Variants in RAD18 observed in about 807,000 individuals in gnomAD.
The protein encoded by RAD18 is E3 ubiquitin-protein ligase RAD18.
RAD18 carries 47 observed loss-of-function variants against 60.4 expected under a neutral mutation model. The ratio of observed to expected loss-of-function variants is 0.78; its 90% confidence interval spans 0.62 to 0.99. The LOEUF (loss-of-function observed/expected upper bound fraction) is 0.99. Ranked by LOEUF, RAD18 falls within the 50% of genes least tolerant of loss-of-function variation. The pLI is 0.00. For synonymous variants in RAD18, 225 were observed against 195.5 expected (o/e 1.15, Z -1.26); for missense variants, 640 against 593.3 (o/e 1.08, Z -0.82).
Position 8,880,518 on chromosome 3 carries a change from T to C in RAD18, c.*839A>G, listed in dbSNP as rs1939439195. The C allele has an allele frequency of 6.6e-6, 1 of 152,202 alleles. No homozygotes were observed. The highest frequency in any genetic ancestry group is 1.5e-5 in the Non-Finnish European group (1 of 68,042). The allele number at this position is 152,202 out of a possible 1,614,324, so 9.4% of individuals were successfully genotyped here. A position where few individuals can be genotyped will look rare whatever the true frequency, so the allele number is the denominator to read the frequency against. ...ATCCATTTCAATGATTTCTAACCCA[T>C]ACTCAACTATCCAGAGGATACTGTT... On this transcript the variant is annotated 3_prime_UTR_variant, in exon 13 of 13. Coordinates refer to ENST00000264926, the MANE Select transcript of RAD18 (RefSeq NM_020165.4).
At chr3:8,931,213 TA>T (rs1355474790) in intron 7 of RAD18, among the ~76,000 whole-genome samples, 1 of 152,140 alleles carries the variant, frequency 6.6e-6, no homozygotes, top group Non-Finnish European at 1.5e-5. Context: ...AATGACTCTT[TA>T]AAATAGTAAT....
chr3:8,932,451 TC>T (rs1430585118), intron 7 of RAD18, among the ~76,000 whole-genome samples: 1 of 152,104 alleles, frequency 6.6e-6, no homozygotes, highest in African/African-American at 2.4e-5. Flanking sequence ...ATTAAAACCA[TC>T]ATGAGATACC....
chr3:8,947,473 G>A (rs1940856811), intron 3 of RAD18, among the ~76,000 whole-genome samples, 183 bp from the exon 4 acceptor site: 1 of 152,128 alleles, frequency 6.6e-6, no homozygotes, highest in Non-Finnish European at 1.5e-5. Context: ...CAGTGAATCA[G>A]TATCTGCTGA....
chr3:8,901,984 G>A (rs1045101792), intron 10 of RAD18, among the ~76,000 whole-genome samples: 4 of 152,134 alleles, frequency 2.6e-5, no homozygotes, highest in Non-Finnish European at 5.9e-5. Flanking sequence ...AGCCTACCAG[G>A]TATGTTAACT....
chr3:8,931,857 G>A (rs573787093), intron 7 of RAD18, among the ~76,000 whole-genome samples: 53 of 152,308 alleles, frequency 3.5e-4, no homozygotes, highest in African/African-American at 1.1e-3. Context: ...ATACATGGCC[G>A]TTAGGATTTG....
chr3:8,916,558 T>C (rs60638665), intron 7 of RAD18, among the ~76,000 whole-genome samples: 1 of 152,186 alleles, frequency 6.6e-6, no homozygotes, highest in African/African-American at 2.4e-5. Flanking sequence ...AGCAGCAAAT[T>C]ATGATTAAGA....
At chr3:8,947,158 A>T in intron 4 of RAD18, 62 bp downstream of exon 4, 1 of 1,270,686 alleles carries the variant, frequency 7.9e-7, no homozygotes, top group Non-Finnish European at 1.1e-6. Flanking sequence ...TGCACAAAGT[A>T]AAGAGAGAAC....
intron 7 of RAD18, among the ~76,000 whole-genome samples, chr3:8,914,703 A>C (rs547813468): frequency 4.6e-5 from 7 of 152,342 alleles, no homozygotes; most frequent in African/African-American, 1.7e-4. Flanking sequence ...CTCTGTGAAG[A>C]TGACCAGCTA....
intron 7 of RAD18, among the ~76,000 whole-genome samples, chr3:8,932,129 T>C (rs1473708223): frequency 1.3e-5 from 2 of 152,026 alleles, no homozygotes; most frequent in East Asian, 3.9e-4. Flanking sequence ...ATTGTATACA[T>C]AAAAAATCAT....
At chr3:8,935,138 A>G (rs1471633636) in intron 7 of RAD18, among the ~76,000 whole-genome samples, 1 of 152,226 alleles carries the variant, frequency 6.6e-6, no homozygotes, top group Admixed American at 6.5e-5. Flanking sequence ...ATTTCACTTT[A>G]TGAAATTTAG....
chr3:8,931,820 T>C (rs1164848852), intron 7 of RAD18, among the ~76,000 whole-genome samples: 5 of 152,270 alleles, frequency 3.3e-5, no homozygotes, highest in Middle Eastern at 3.4e-3. Flanking sequence ...TGGAACAGAA[T>C]AGATTCTAGA....
intron 7 of RAD18, among the ~76,000 whole-genome samples, chr3:8,934,846 A>T (rs541550664): frequency 1.3e-5 from 2 of 152,378 alleles, no homozygotes; most frequent in African/African-American, 4.8e-5. Flanking sequence ...AATGGATAAG[A>T]TGATACGTTT....
chr3:8,953,749 C>A (rs1314956424), intron 2 of RAD18, among the ~76,000 whole-genome samples: 1 of 151,490 alleles, frequency 6.6e-6, no homozygotes, highest in Non-Finnish European at 1.5e-5. Context: ...CAAGCAAGAT[C>A]CTAGATAAAA....
chr3:8,914,294 C>T, intron 7 of RAD18, among the ~76,000 whole-genome samples: 1 of 152,142 alleles, frequency 6.6e-6, no homozygotes, highest in East Asian at 1.9e-4. Flanking sequence ...CTTTCTGCAT[C>T]CAAAGTCAAT....
chr3:8,921,997 G>T (rs912487616), intron 7 of RAD18, among the ~76,000 whole-genome samples: 1 of 152,214 alleles, frequency 6.6e-6, no homozygotes, highest in Non-Finnish European at 1.5e-5. Context: ...CCAGTCTACA[G>T]CTCTCAGCAT....
chr3:8,941,756 A>G lies in RAD18; in HGVS notation c.315T>C (p.Ala105=). The G allele has an allele frequency of 6.2e-7, 1 of 1,614,110 alleles. No homozygotes were observed. Among genetic ancestry groups the G allele is most frequent in the Non-Finnish European group, 8.5e-7 (1 of 1,179,988 alleles). ...CAGCAAGATTCTTTGAAGAGGAAGA[A>G]GCAGGAGATTTGGCTGGTGACTCTA... ...FALESPAKSP[A]SSSSKNLAVK... is the part of the protein sequence containing the mutation. Residue 105 remains alanine (A), a synonymous_variant, in exon 5 of 13, where the codon GCT becomes GCC. Coordinates refer to ENST00000264926, the MANE Select transcript of RAD18 (RefSeq NM_020165.4).
chr3:8,958,858 A>C, intron 2 of RAD18, 62 bp downstream of exon 2: 1 of 1,296,538 alleles, frequency 7.7e-7, no homozygotes, highest in Admixed American at 1.7e-5. Context: ...TTTGGTGTTA[A>C]ATTAACACTA....
chr3:8,946,292 A>T (rs1227390083), intron 4 of RAD18, among the ~76,000 whole-genome samples: 1 of 152,244 alleles, frequency 6.6e-6, no homozygotes, highest in Non-Finnish European at 1.5e-5. Flanking sequence ...TTTTGTTACC[A>T]AGGAGCAATA....
chr3:8,945,394 A>C (rs1331013776), intron 4 of RAD18, among the ~76,000 whole-genome samples: 1 of 151,708 alleles, frequency 6.6e-6, no homozygotes, highest in Admixed American at 6.6e-5. Flanking sequence ...GAGCTGAAAA[A>C]TTCCCATTGC....
Sources: allele counts gnomAD v4.1 joint callset (sites outside exome capture counted in the v4.1 genomes callset), GRCh38; gene constraint gnomAD v4.1.1; transcripts MANE v1.5; gene names NCBI Gene and HGNC (gene_info 2026-07-23, HGNC 2026-07-21).